Variants in OTUD7A observed in about 807,000 individuals in gnomAD.
The protein encoded by OTUD7A is OTU deubiquitinase 7A.
In OTUD7A, 12 loss-of-function variants were observed where a neutral mutation model predicts 65.7. The observed-to-expected ratio is 0.18, with a 90% confidence interval of 0.12 to 0.30. The LOEUF (loss-of-function observed/expected upper bound fraction) is 0.30, where lower values mean the gene tolerates loss of function less well. Among genes scored for constraint, OTUD7A ranks in the 10% least tolerant of loss-of-function variants. The pLI, the probability that OTUD7A is intolerant of heterozygous loss-of-function variation, is 1.00. For synonymous variants in OTUD7A, 641 were observed against 586.3 expected, an observed-to-expected ratio of 1.09 and a Z score of -1.35; for missense variants, 1,148 against 1,304.8, an observed-to-expected ratio of 0.88 and a Z score of 1.85.
chr15:31,487,387 C>T lies in OTUD7A; in HGVS notation c.1286+65G>A. The T allele has an allele frequency of 6.3e-7, 1 of 1,584,126 alleles. No individual in the cohort carries two copies. Among genetic ancestry groups the T allele is most frequent in the Non-Finnish European group, 8.6e-7 (1 of 1,158,000 alleles). ...AGGAGCAGGGGTGGTACATTCCCTC[C>T]CCAGGATGCCCCAGCCATAGCCCTC... On this transcript the variant is annotated intron_variant, in intron 11 of 12. Transcript: ENST00000307050. The surrounding 1 kb of genome is among the most constrained non-coding windows in gnomAD (Gnocchi z 6.0).
At chr15:31,860,675 G>A (rs57985773) in intron 1 of OTUD7A, among the ~76,000 whole-genome samples, 12 of 13,132 alleles carry the variant, frequency 9.1e-4, no homozygotes, top group Non-Finnish European at 3.1e-3. Context: ...AGATGTATGT[G>A]TGTATATATA....
chr15:31,766,728 T>A, intron 1 of OTUD7A: 3 of 1,610,554 alleles, frequency 1.9e-6, no homozygotes, highest in Non-Finnish European at 2.5e-6. Flanking sequence ...AAGTAGAGGT[T>A]CTCTTAAAAC....
intron 5 of OTUD7A, among the ~76,000 whole-genome samples, chr15:31,537,012 A>G (rs750956817): frequency 6.6e-6 from 1 of 152,222 alleles, no homozygotes; most frequent in East Asian, 1.9e-4. Flanking sequence ...ACATGTAACG[A>G]AATTTCAGAT....
chr15:31,848,504 C>G (rs1238074475), intron 1 of OTUD7A, among the ~76,000 whole-genome samples: 2 of 152,132 alleles, frequency 1.3e-5, no homozygotes, highest in African/African-American at 4.8e-5. Context: ...AAATTTCAGT[C>G]AGAAGTCCAC....
intron 1 of OTUD7A, among the ~76,000 whole-genome samples, chr15:31,824,036 C>T (rs1002279823): frequency 3.9e-5 from 6 of 152,090 alleles, no homozygotes; most frequent in African/African-American, 9.7e-5. Context: ...GTTAGGTAGG[C>T]GAAAAGACGA....
At chr15:31,555,229 C>T (rs1486461442) in intron 5 of OTUD7A, among the ~76,000 whole-genome samples, 1 of 152,158 alleles carries the variant, frequency 6.6e-6, no homozygotes, top group Non-Finnish European at 1.5e-5. Context: ...GGTTCATGTT[C>T]TGTCCAAGGG....
intron 1 of OTUD7A, among the ~76,000 whole-genome samples, chr15:31,721,930 C>G (rs1893750437): frequency 1.3e-5 from 2 of 152,374 alleles, no homozygotes; most frequent in African/African-American, 2.4e-5. Flanking sequence ...AGTGCAGCAT[C>G]TGGCTCGAAG....
rs559272527 is a variant in OTUD7A, at chr15:31,482,984, ATTTC to A, written c.*306_*309del. 666 of 157,440 alleles carry A rather than the reference ATTTC, an allele frequency of 4.2e-3. 6 individuals are homozygous for A. Among genetic ancestry groups the A allele is most frequent in the African/African-American group, 0.015 (615 of 41,608 alleles). The allele number at this position is 157,440 out of a possible 1,614,324, so 9.8% of individuals were successfully genotyped here. ...CCCTTCTTAAAACAAAGGGCTGCGA[ATTTC>A]TTTATTTCTCTTACTGAGGAACAAA... On this transcript the variant is annotated 3_prime_UTR_variant, in exon 13 of 13. Transcript: ENST00000307050.
chr15:31,751,655 A>C (rs181147543), intron 1 of OTUD7A, among the ~76,000 whole-genome samples: 12 of 152,366 alleles, frequency 7.9e-5, no homozygotes, highest in Middle Eastern at 3.4e-3. Context: ...AAAGACATGG[A>C]ATCAACCTAG....
intron 1 of OTUD7A, among the ~76,000 whole-genome samples, chr15:31,827,984 G>T (rs2140980063): frequency 6.6e-6 from 1 of 152,024 alleles, no homozygotes; most frequent in Middle Eastern, 3.4e-3. Flanking sequence ...TGTTCCTTTT[G>T]TGTGGTCCTA....
chr15:31,638,612 G>A (rs1156592577), intron 3 of OTUD7A, among the ~76,000 whole-genome samples: 1 of 151,554 alleles, frequency 6.6e-6, no homozygotes, highest in Non-Finnish European at 1.5e-5. Context: ...GCCCAAGCTG[G>A]TCTGGAACTC....
At chr15:31,664,947 T>C (rs893197771) in intron 1 of OTUD7A, among the ~76,000 whole-genome samples, 1 of 152,224 alleles carries the variant, frequency 6.6e-6, no homozygotes, top group Non-Finnish European at 1.5e-5. Context: ...TTGTTTGCTT[T>C]GTCAAAGATC....
intron 3 of OTUD7A, among the ~76,000 whole-genome samples, chr15:31,641,931 C>T (rs7182875): frequency 0.29 from 43,701 of 151,996 alleles, 7,427 homozygotes; most frequent in African/African-American, 0.47. Context: ...CTGCACTGGC[C>T]AGAATGTCCA....
At chr15:31,638,562 GTT>G (rs71422902) in intron 3 of OTUD7A, among the ~76,000 whole-genome samples, 5 of 138,420 alleles carry the variant, frequency 3.6e-5, no homozygotes, top group African/African-American at 5.3e-5. Context: ...GTAGGTTTTT[GTT>G]TTTTTTTTTT....
intron 5 of OTUD7A, chr15:31,557,527 C>T (rs1057450354): frequency 6.6e-6 from 1 of 152,188 alleles, no homozygotes; most frequent in Non-Finnish European, 1.5e-5. Context: ...TTTATTTCCC[C>T]AGCATCTTCT....
intron 3 of OTUD7A, among the ~76,000 whole-genome samples, chr15:31,654,604 C>T (rs2141277270): frequency 6.6e-6 from 1 of 152,250 alleles, no homozygotes; most frequent in South Asian, 2.1e-4. Context: ...AAAGGTAAAT[C>T]CATTTTAGAG....
At chr15:31,581,777 G>A (rs777256627) in intron 3 of OTUD7A, among the ~76,000 whole-genome samples, 10 of 152,258 alleles carry the variant, frequency 6.6e-5, no homozygotes, top group Non-Finnish European at 1.0e-4. Flanking sequence ...GGGAGAGGCT[G>A]CTGTGAAGAC....
At chr15:31,749,445 C>T (rs1177683094) in intron 1 of OTUD7A, among the ~76,000 whole-genome samples, 1 of 152,148 alleles carries the variant, frequency 6.6e-6, no homozygotes. Context: ...CCAACAACGC[C>T]ACATCATTAT....
rs187544282 is a variant in OTUD7A, at chr15:31,625,840, T to G, written c.151+29256A>C. ...AACACTACTTAGCACACTTCATTCT[T>G]TCTTCAAAAGAAATGAACTGCTAAT... On this transcript the variant is annotated intron_variant, in intron 3 of 12. Transcript: ENST00000307050. Among the ~76,000 whole-genome samples, 511 of 152,282 alleles carry G rather than the reference T, an allele frequency of 3.4e-3. 3 individuals carry two copies. Among genetic ancestry groups the G allele is most frequent in the African/African-American group, 0.012 (495 of 41,540 alleles).
Sources: gnomAD v4.1 joint callset for allele counts (sites outside exome capture counted in the v4.1 genomes callset) on GRCh38, gnomAD v4.1.1 for gene constraint, Gnocchi (gnomAD v3.1) non-coding constraint, MANE v1.5 for transcripts, NCBI Gene and HGNC (gene_info 2026-07-23, HGNC 2026-07-21) for gene names.